The following ANO4 variants were observed in gnomAD, a reference collection of about 807,000 sequenced individuals.
The protein encoded by ANO4 is anoctamin 4, also known as anoctamin-4.
In ANO4, 69 loss-of-function variants were observed where a neutral mutation model predicts 141.9. The observed-to-expected ratio is 0.49, with a 90% CI of 0.40 to 0.59. The LOEUF (loss-of-function observed/expected upper bound fraction) is 0.59, where lower values mean the gene tolerates loss of function less well. Among genes scored for constraint, ANO4 ranks in the 20% least tolerant of loss-of-function variants. The probability of loss-of-function intolerance (pLI) is 0.00; values close to 1 mark genes in which losing one functional copy is unlikely to be tolerated. For synonymous variants in ANO4, 350 were observed against 394.3 expected, an observed-to-expected ratio of 0.89 and a Z score of 1.33; for missense variants, 894 against 1,162.2, an observed-to-expected ratio of 0.77 and a Z score of 3.36.
chr12:100,792,814 C>T (rs2034093817), upstream of ANO4, among the ~76,000 whole-genome samples: 1 of 152,140 alleles, frequency 6.6e-6, no homozygotes, highest in Non-Finnish European at 1.5e-5. Flanking sequence ...ATAATATTCC[C>T]TTATTAAGTA....
chr12:101,017,986 A>G (rs1393673333), intron 8 of ANO4, among the ~76,000 whole-genome samples: 1 of 152,220 alleles, frequency 6.6e-6, no homozygotes, highest in Admixed American at 6.5e-5. Flanking sequence ...AGAAAATGTA[A>G]TGTGATGCTA....
At chr12:101,046,935 T>C (rs2047655272) in intron 13 of ANO4, among the ~76,000 whole-genome samples, 1 of 152,148 alleles carries the variant, frequency 6.6e-6, no homozygotes, top group Admixed American at 6.5e-5. Context: ...CAAGCTACAC[T>C]TTCTAGCAAC....
At chr12:100,877,036 GCA>G in intron 1 of ANO4, among the ~76,000 whole-genome samples, 2 of 152,066 alleles carry the variant, frequency 1.3e-5, no homozygotes, top group African/African-American at 4.8e-5. Flanking sequence ...GACAAATACT[GCA>G]TGATCTCACT....
intron 1 of ANO4, among the ~76,000 whole-genome samples, chr12:100,837,284 T>C (rs1048968852): frequency 5.3e-5 from 8 of 151,322 alleles, no homozygotes; most frequent in Non-Finnish European, 1.5e-5. Flanking sequence ...ATGAGATAAA[T>C]AGTACTGTTA....
At position 101,099,736 on chromosome 12, in the gene ANO4, A is replaced by G. The variant is rs369565479; in HGVS notation, c.2149+16A>G. On this transcript the variant is annotated intron_variant, in intron 22 of 27. Coordinates refer to ENST00000392977, the MANE Select transcript of ANO4 (RefSeq NM_001286615.2). ...TTAGAAATGAGTATGGAAATATTCT[A>G]CTTTATCTTATTAATTATAAATTTT... is the stretch of plus-strand genomic sequence containing the variant. 4.7e-5 allele frequency: 72 copies of G among 1,525,670 alleles called. No homozygotes were observed. Among genetic ancestry groups the G allele is most frequent in the Non-Finnish European group, 5.9e-5 (68 of 1,143,282 alleles). The allele number at this position is 1,525,670 out of a possible 1,614,324, so 94.5% of individuals were successfully genotyped here.
intron 2 of ANO4, among the ~76,000 whole-genome samples, chr12:100,909,998 A>G (rs2041028640): frequency 6.6e-6 from 1 of 152,212 alleles, no homozygotes; most frequent in Non-Finnish European, 1.5e-5. Flanking sequence ...TCCTAATTCA[A>G]ATATTTGAAA....
chr12:100,840,123 A>T (rs960867451), intron 1 of ANO4, among the ~76,000 whole-genome samples: 5 of 149,730 alleles, frequency 3.3e-5, no homozygotes, highest in Admixed American at 1.3e-4. Flanking sequence ...CTTAAACCAA[A>T]AATAATAATA....
Position 100,894,668 on chromosome 12 carries a change from G to A in ANO4, c.-140-6978G>A, listed in dbSNP as rs181055694. Reference sequence around the variant, plus strand: ...TATCAGTCTATTTTATAAACATTTTGTCAAGTGTCCTTTGAGTCAAATAAG... The same window carrying A: ...TATCAGTCTATTTTATAAACATTTTATCAAGTGTCCTTTGAGTCAAATAAG... On this transcript the variant is annotated intron_variant, in intron 1 of 27. Transcript: ENST00000392977. Among the ~76,000 whole-genome samples, 104 of 152,146 alleles carry A rather than the reference G, an allele frequency of 6.8e-4. 1 individual carries two copies. In the East Asian group the frequency reaches 0.016, roughly 23 times the overall value.
At chr12:100,861,433 T>C (rs1392324452) in intron 1 of ANO4, among the ~76,000 whole-genome samples, 1 of 152,194 alleles carries the variant, frequency 6.6e-6, no homozygotes, top group Non-Finnish European at 1.5e-5. Flanking sequence ...AGTATTTGTG[T>C]ATCTAAACAT....
Position 100,784,588 on chromosome 12 carries a change from A to G in ANO4, c.358+44483A>G, listed in dbSNP as rs188549240. ...TTTTTACTCTTGCGTAGAACCCCAC[A>G]TGCAGTTTTTCTCCTCTGCTAACAT... On this transcript the variant is annotated intron_variant, in intron 3 of 29. Coordinates refer to the ANO4 transcript ENST00000644049. Among the ~76,000 whole-genome samples, 358 of 152,294 alleles carry G rather than the reference A, an allele frequency of 2.4e-3. 2 individuals are homozygous for G. Among genetic ancestry groups the G allele is most frequent in the African/African-American group, 8.1e-3 (337 of 41,586 alleles).
chr12:100,749,597 CAG>C (rs975190051), intron 3 of ANO4, among the ~76,000 whole-genome samples: 4 of 152,160 alleles, frequency 2.6e-5, no homozygotes, highest in African/African-American at 7.2e-5. Context: ...ACCAATGAAT[CAG>C]GGAATGATTG....
At chr12:100,754,249 A>C (rs1050025951) in intron 3 of ANO4, among the ~76,000 whole-genome samples, 2 of 152,126 alleles carry the variant, frequency 1.3e-5, no homozygotes, top group Non-Finnish European at 2.9e-5. Context: ...CCCACATCTA[A>C]TTGCTCATCA....
At chr12:100,998,109 G>A (rs950984748) in intron 8 of ANO4, among the ~76,000 whole-genome samples, 1 of 152,194 alleles carries the variant, frequency 6.6e-6, no homozygotes, top group Non-Finnish European at 1.5e-5. Flanking sequence ...TCAGTGGGCT[G>A]GGGAAGGCAG....
intron 8 of ANO4, among the ~76,000 whole-genome samples, chr12:101,001,385 T>C (rs1331446720): frequency 2.6e-5 from 4 of 152,210 alleles, no homozygotes; most frequent in African/African-American, 7.2e-5. Flanking sequence ...TGGTGCCCCA[T>C]TGGTCAGTAT....
intron 3 of ANO4, among the ~76,000 whole-genome samples, chr12:100,778,064 C>T (rs2033588971): frequency 6.6e-6 from 1 of 151,938 alleles, no homozygotes; most frequent in South Asian, 2.1e-4. Context: ...GGACTACAGG[C>T]ACCCGCCACC....
intron 5 of ANO4, among the ~76,000 whole-genome samples, chr12:100,957,188 C>T (rs1302216414): frequency 2.0e-5 from 3 of 152,214 alleles, no homozygotes; most frequent in Admixed American, 6.5e-5. Flanking sequence ...ACTTGCTCGG[C>T]CTCTGGTGAG....
chr12:100,772,431 C>G (rs2033338187), intron 3 of ANO4, among the ~76,000 whole-genome samples: 1 of 152,152 alleles, frequency 6.6e-6, no homozygotes, highest in South Asian at 2.1e-4. Context: ...CCCCTCACCG[C>G]CAAATCTCTG....
At chr12:101,095,818 G>A (rs2049959992) in intron 18 of ANO4, among the ~76,000 whole-genome samples, 1 of 152,186 alleles carries the variant, frequency 6.6e-6, no homozygotes, top group Admixed American at 6.5e-5. Flanking sequence ...TCTAGCTGGA[G>A]ATTTGATCTT....
rs113507426 is a variant in ANO4 at position 100,871,448 on chromosome 12, T to C, written c.-140-30198T>C. 9.4e-3 allele frequency among the ~76,000 whole-genome samples: 1,433 copies of C among 152,342 alleles called. 23 individuals are homozygous for C. Among genetic ancestry groups the C allele is most frequent in the African/African-American group, 0.032 (1,345 of 41,568 alleles). On this transcript the variant is annotated intron_variant, in intron 1 of 27. Coordinates refer to ENST00000392977, the MANE Select transcript of ANO4 (RefSeq NM_001286615.2). ...TTTAAGACTGCTAAAGGCAATCAGC[T>C]GTTCTTAGAGCTGTGCCCCAATGCA...
Sources: allele counts gnomAD v4.1 joint callset (sites outside exome capture counted in the v4.1 genomes callset), GRCh38; gene constraint gnomAD v4.1.1; transcripts MANE v1.5; gene names NCBI Gene and HGNC (gene_info 2026-07-23, HGNC 2026-07-21).